Variants in CCDC13 observed in about 807,000 individuals in gnomAD.
CCDC13 encodes coiled-coil domain-containing protein 13.
In CCDC13, 70 loss-of-function variants were observed where a neutral mutation model predicts 87.3. The observed-to-expected ratio is 0.80, with a 90% CI of 0.66 to 0.98. The LOEUF is 0.98. Among genes scored for constraint, CCDC13 ranks in the 50% least tolerant of loss-of-function variants. CCDC13 has a pLI of 0.00. For synonymous variants in CCDC13, 317 were observed against 360.3 expected (o/e 0.88, Z 1.36); for missense variants, 842 against 892.0 (o/e 0.94, Z 0.71).
chr3:42,747,030 G>A, intron 6 of CCDC13: 1 of 637,960 alleles, frequency 1.6e-6, no homozygotes, highest in Non-Finnish European at 2.9e-6. Flanking sequence ...GTATGCTGCG[G>A]GGGTGGGGGT....
intron 10 of CCDC13, among the ~76,000 whole-genome samples, chr3:42,734,183 C>T (rs1242013514): frequency 6.6e-6 from 1 of 152,188 alleles, no homozygotes; most frequent in Non-Finnish European, 1.5e-5. Flanking sequence ...AGCAGGAGGT[C>T]AGGCCACCAG....
intron 1 of CCDC13, 121 bp from the exon 2 acceptor site, chr3:42,758,472 C>T (rs1430694407): frequency 8.8e-6 from 8 of 911,412 alleles, no homozygotes; most frequent in South Asian, 3.4e-5. Context: ...TGTATGTCCA[C>T]GCAGAAGCTT....
intron 5 of CCDC13, 134 bp downstream of exon 5, chr3:42,751,802 G>T: frequency 1.4e-6 from 1 of 701,726 alleles, no homozygotes; most frequent in Non-Finnish European, 2.5e-6. Flanking sequence ...GGTAGACAAT[G>T]GGCACCTGGC....
chr3:42,735,727 T>C lies in CCDC13; in HGVS notation c.1351A>G (p.Ile451Val), dbSNP rs1348300257. ...EAKVRQLEME[I>V]GQLNVHYLRN... is the part of the protein sequence containing the mutation. The stretch of plus-strand genomic sequence containing the variant: ...CTCACGTGCACATTGAGTTGTCCGA[T>C]CTCCATCTCCAGCTGTCGCACTTTG... The change falls in exon 10 of 16, where the codon ATC becomes GTC. Residue 451 changes from isoleucine (I) to valine (V), a missense_variant. Physicochemically the swap from Ile to Val is conservative, Grantham distance 29. Transcript: ENST00000310232. 3 of 1,614,040 alleles carry C rather than the reference T, an allele frequency of 1.9e-6. No individual in the cohort carries two copies. Among genetic ancestry groups the C allele is most frequent in the East Asian group, 2.2e-5 (1 of 44,890 alleles).
At chr3:42,768,585 T>G (rs1384465075) in intron 1 of CCDC13, among the ~76,000 whole-genome samples, 1 of 151,930 alleles carries the variant, frequency 6.6e-6, no homozygotes, top group African/African-American at 2.4e-5. Context: ...CAGTCCCAGC[T>G]ACTCGGAAGG....
intron 1 of CCDC13, among the ~76,000 whole-genome samples, chr3:42,763,536 G>A (rs887363056): frequency 1.1e-4 from 15 of 140,714 alleles, no homozygotes; most frequent in Admixed American, 1.5e-4. Flanking sequence ...ATGAAGTCTC[G>A]CTCTGTCACC....
intron 9 of CCDC13, among the ~76,000 whole-genome samples, chr3:42,736,565 A>T (rs1370842482): frequency 6.6e-6 from 1 of 152,180 alleles, no homozygotes; most frequent in African/African-American, 2.4e-5. Flanking sequence ...ACCTCAGAGG[A>T]CATCCAGCCC....
In CCDC13 at chr3:42,743,048, G is replaced by A; in HGVS notation, c.835C>T (p.Leu279Phe). 5 of 1,614,044 alleles carry A rather than the reference G, an allele frequency of 3.1e-6. No homozygotes were observed. The highest frequency in any genetic ancestry group is 4.2e-6 in the Non-Finnish European group (5 of 1,179,974). ...CGGGCCTGGCCCAATTGCTTCTCAA[G>A]CTCTTGAACCTGAGGATGGTAAAAC... Reference protein sequence around the residue: ...ILVLQSKVQELEKQLGQARSQ... With the variant: ...ILVLQSKVQEFEKQLGQARSQ... Residue 279 changes from leucine to phenylalanine, a missense_variant, in exon 8 of 16, where the codon CTT becomes TTT. Leu to Phe is a conservative substitution (Grantham distance 22). Coordinates refer to ENST00000310232, the MANE Select transcript of CCDC13 (RefSeq NM_144719.4).
At chr3:42,732,630 G>A (rs1183049744) in intron 12 of CCDC13, 19 of 502,056 alleles carry the variant, frequency 3.8e-5, no homozygotes, top group Non-Finnish European at 5.6e-5. Flanking sequence ...GGCCCAGGAA[G>A]GTTCCTCAGG....
At chr3:42,758,066 C>CACACAG in intron 2 of CCDC13, 59 bp downstream of exon 2, 2 of 646,654 alleles carry the variant, frequency 3.1e-6, no homozygotes, top group South Asian at 5.9e-5. Flanking sequence ...CGGTGGTACA[C>CACACAG]ACACACACAC....
At chr3:42,750,314 T>C (rs34510173) in intron 5 of CCDC13, among the ~76,000 whole-genome samples, 25,652 of 152,114 alleles carry the variant, frequency 0.17, 2,236 homozygotes, top group South Asian at 0.25. Flanking sequence ...ACCTTCCAGC[T>C]GCAACCTTAA....
At position 42,705,799 on chromosome 3, in the gene CCDC13, A is replaced by G. The variant is rs1260682106; in HGVS notation, c.*3181T>C. Among the ~76,000 whole-genome samples, 4 of 152,146 alleles carry G rather than the reference A, an allele frequency of 2.6e-5. No individual in the cohort carries two copies. The highest frequency in any genetic ancestry group is 5.9e-5 in the Non-Finnish European group (4 of 68,020). On this transcript the variant is annotated 3_prime_UTR_variant, in exon 16 of 16. Coordinates refer to ENST00000310232, the MANE Select transcript of CCDC13 (RefSeq NM_144719.4). ...GCTGTGCACCTGGCCCACCTAAGTT[A>G]GGTTTCTCAGGGTCCCTATCTTTGA...
At chr3:42,756,774 A>G (rs1351049893) in intron 3 of CCDC13, among the ~76,000 whole-genome samples, 1 of 152,098 alleles carries the variant, frequency 6.6e-6, no homozygotes, top group Non-Finnish European at 1.5e-5. Flanking sequence ...AACCCTTGTC[A>G]TGAGTCCCAG....
Position 42,756,984 on chromosome 3 carries a change from C to G in CCDC13, c.370+82G>C, listed in dbSNP as rs1051734209. On this transcript the variant is annotated intron_variant, in intron 3 of 15. Coordinates refer to ENST00000310232, the MANE Select transcript of CCDC13 (RefSeq NM_144719.4). ...TGACCCTTGGCACTCTCTTGGGAAT[C>G]TGCTCTCTGGAACCTGCTGTCTGCC... 5 of 1,377,446 alleles carry G rather than the reference C, an allele frequency of 3.6e-6. No homozygotes were observed. In the African/African-American group the frequency reaches 7.2e-5, roughly 20 times the overall value. The allele number at this position is 1,377,446 out of a possible 1,614,324, so 85.3% of individuals were successfully genotyped here. A position where few individuals can be genotyped will look rare whatever the true frequency, so the allele number is the denominator to read the frequency against.
intron 13 of CCDC13, among the ~76,000 whole-genome samples, chr3:42,722,391 G>A (rs540491723): frequency 1.3e-5 from 2 of 152,314 alleles, no homozygotes; most frequent in Non-Finnish European, 2.9e-5. Flanking sequence ...ATCTTAAAGA[G>A]GAGCTGGGTA....
intron 7 of CCDC13, chr3:42,745,597 T>TG (rs1559653027): frequency 5.3e-6 from 1 of 189,584 alleles, no homozygotes; most frequent in Non-Finnish European, 1.1e-5. Context: ...AAGCTTACAA[T>TG]TACAACAGTC....
chr3:42,731,962 G>C (rs1698845096), intron 12 of CCDC13, among the ~76,000 whole-genome samples: 1 of 152,208 alleles, frequency 6.6e-6, no homozygotes, highest in Non-Finnish European at 1.5e-5. Flanking sequence ...GTGGCACAGA[G>C]GTCACAGCCA....
chr3:42,719,242 G>A (rs1004291142), intron 13 of CCDC13: 4 of 151,902 alleles, frequency 2.6e-5, no homozygotes, highest in Admixed American at 1.3e-4. Flanking sequence ...AAAGCTGAGA[G>A]CAGATGGGAC....
chr3:42,706,352 G>A lies in CCDC13; in HGVS notation c.*2628C>T, dbSNP rs1698178984. The A allele has an allele frequency of 6.6e-6, 1 of 152,270 alleles. No homozygotes were observed. Among genetic ancestry groups the A allele is most frequent in the African/African-American group, 2.4e-5 (1 of 41,450 alleles). 9.4% of individuals were successfully genotyped at this position (152,270 alleles called of 1,614,324 possible). A position where few individuals can be genotyped will look rare whatever the true frequency, so the allele number is the denominator to read the frequency against. ...GTTGAACAAATGGAGGGAACACTAA[G>A]AGCGAATAATTATTAAGCGCTTACT... On this transcript the variant is annotated 3_prime_UTR_variant, in exon 16 of 16. Coordinates refer to ENST00000310232, the MANE Select transcript of CCDC13 (RefSeq NM_144719.4).
Sources: gnomAD v4.1 joint callset for allele counts (sites outside exome capture counted in the v4.1 genomes callset) on GRCh38, gnomAD v4.1.1 for gene constraint, MANE v1.5 for transcripts, NCBI Gene and HGNC (gene_info 2026-07-23, HGNC 2026-07-21) for gene names.